MROH1: variants seen among roughly 807,000 people sequenced by gnomAD.
The protein encoded by MROH1 is maestro heat-like repeat-containing protein family member 1.
A neutral mutation model predicts 116.5 loss-of-function variants in MROH1; 117 were observed. The observed-to-expected ratio is 1.00, with a 90% CI of 0.86 to 1.17. MROH1 has a LOEUF of 1.17. Ranked by LOEUF, MROH1 falls within the 50% of genes most tolerant of loss-of-function variation. MROH1 has a pLI of 0.00. For missense variants in MROH1, 1,873 were observed against 1,338.5 expected, an observed-to-expected ratio of 1.40 and a Z score of -6.23; for synonymous variants, 921 against 583.9, an observed-to-expected ratio of 1.58 and a Z score of -8.32.
At chr8:144,214,163 C>T (rs1354505395) in intron 12 of MROH1, 1 of 152,240 alleles carries the variant, frequency 6.6e-6, no homozygotes, top group African/African-American at 2.4e-5. Flanking sequence ...ATGTTGGAGG[C>T]TCTTCCAGCC....
intron 35 of MROH1, among the ~76,000 whole-genome samples, chr8:144,255,971 T>C (rs1254370671): frequency 1.6e-4 from 25 of 152,298 alleles, no homozygotes; most frequent in African/African-American, 5.3e-4. Flanking sequence ...AGGCAGCTGG[T>C]GGGGGCTTCG....
At chr8:144,224,562 A>T (rs1166411542) in intron 14 of MROH1, among the ~76,000 whole-genome samples, 2 of 152,238 alleles carry the variant, frequency 1.3e-5, no homozygotes. Context: ...CAGCACACCC[A>T]GCACTCAAAT....
intron 7 of MROH1, among the ~76,000 whole-genome samples, chr8:144,187,054 C>T (rs570829559): frequency 5.2e-4 from 79 of 150,946 alleles, no homozygotes; most frequent in African/African-American, 1.6e-3. Flanking sequence ...GCCAAGATCA[C>T]GCCACTGCAT....
At chr8:144,171,327 A>C (rs1157930390) in intron 4 of MROH1, among the ~76,000 whole-genome samples, 1 of 152,206 alleles carries the variant, frequency 6.6e-6, no homozygotes, top group Non-Finnish European at 1.5e-5. Context: ...TTTATGACAC[A>C]GGCTGTGACG....
At chr8:144,256,358 T>C (rs947579160) in intron 35 of MROH1, among the ~76,000 whole-genome samples, 1 of 133,868 alleles carries the variant, frequency 7.5e-6, no homozygotes, top group Non-Finnish European at 1.7e-5. Context: ...GGTGTGCACC[T>C]TGGCCAGGAC....
intron 12 of MROH1, among the ~76,000 whole-genome samples, chr8:144,207,483 G>A (rs1007052094): frequency 1.3e-5 from 2 of 152,094 alleles, no homozygotes; most frequent in East Asian, 1.9e-4. Context: ...CACCACGCCC[G>A]ACCCCTGTTC....
intron 12 of MROH1, among the ~76,000 whole-genome samples, chr8:144,210,037 C>T (rs1393589826): frequency 1.3e-5 from 2 of 152,068 alleles, no homozygotes; most frequent in African/African-American, 4.8e-5. Context: ...CACCGAGACG[C>T]CCCTCCTTGC....
chr8:144,198,994 C>A, intron 10 of MROH1, 128 bp from the exon 11 acceptor site: 1 of 802,182 alleles, frequency 1.2e-6, no homozygotes, highest in South Asian at 1.6e-5. Context: ...GCGCCCGCTG[C>A]ATGCTGTAGG....
intron 9 of MROH1, 42 bp downstream of exon 9, chr8:144,191,897 T>G: frequency 2.5e-6 from 4 of 1,609,784 alleles, no homozygotes; most frequent in Non-Finnish European, 3.4e-6. Context: ...CGAGGACCCC[T>G]CCAATCAGAC....
Position 144,255,566 on chromosome 8 carries a change from G to A in MROH1, c.3652G>A (p.Glu1218Lys), listed in dbSNP as rs1020916524. 1.4e-5 allele frequency: 11 copies of A among 779,236 alleles called. No individual in the cohort carries two copies. The highest frequency in any genetic ancestry group is 6.7e-5 in the South Asian group (5 of 74,566). The allele number at this position is 779,236 out of a possible 1,614,324, so 48.3% of individuals were successfully genotyped here. The change falls in exon 35 of 44, where the codon GAG becomes AAG. Residue 1218 changes from glutamate (E) to lysine (K), a missense_variant. Coordinates refer to ENST00000326134, the MANE Select transcript of MROH1 (RefSeq NM_032450.3). The stretch of plus-strand genomic sequence containing the variant: ...GCCTGCAGCGGGGCCCGCGGTGCTC[G>A]AGCTCTACCCCCAGCTGTTTGTGGT... Reference protein sequence around the residue: ...STPAAGPAVLELYPQLFVVLL... With the variant: ...STPAAGPAVLKLYPQLFVVLL...
chr8:144,193,204 A>G (rs1348602850), intron 10 of MROH1: 1 of 154,736 alleles, frequency 6.5e-6, no homozygotes, highest in East Asian at 1.9e-4. Context: ...TTACATGGTA[A>G]CAAACTGTTA....
At chr8:144,167,963 C>G (rs556880699) in intron 3 of MROH1, among the ~76,000 whole-genome samples, 1 of 152,140 alleles carries the variant, frequency 6.6e-6, no homozygotes, top group Non-Finnish European at 1.5e-5. Flanking sequence ...AGGACCAGAA[C>G]AGCCTCATGC....
At chr8:144,158,031 C>T (rs1157699733) in intron 1 of MROH1, among the ~76,000 whole-genome samples, 3 of 132,714 alleles carry the variant, frequency 2.3e-5, no homozygotes, top group African/African-American at 8.7e-5. Context: ...CTGGCTCTGT[C>T]GCCCAGGTTG....
In MROH1 at chr8:144,191,043, G is replaced by A. The variant is rs1465324337; in HGVS notation, c.714+108G>A. On this transcript the variant is annotated intron_variant, in intron 8 of 43. Coordinates refer to ENST00000326134, the MANE Select transcript of MROH1 (RefSeq NM_032450.3). Reference sequence around the variant, plus strand: ...GAGGGTGGTGGTGTTGCATTGGCAAGCAGAGGTGCCCAATGGGAGGTGGCT... The same window carrying A: ...GAGGGTGGTGGTGTTGCATTGGCAAACAGAGGTGCCCAATGGGAGGTGGCT... The A allele has an allele frequency of 8.2e-6, 10 of 1,225,988 alleles. No individual in the cohort carries two copies. In the East Asian group the frequency reaches 2.3e-4, roughly 29 times the overall value. The allele number at this position is 1,225,988 out of a possible 1,614,324, so 75.9% of individuals were successfully genotyped here.
intron 28 of MROH1, among the ~76,000 whole-genome samples, chr8:144,244,798 T>A (rs1841607382): frequency 1.3e-5 from 2 of 152,162 alleles, no homozygotes; most frequent in Admixed American, 1.3e-4. Flanking sequence ...GGCCCACGGG[T>A]ACCCATGGCT....
intron 10 of MROH1, among the ~76,000 whole-genome samples, chr8:144,194,276 T>A (rs1462370042): frequency 2.0e-5 from 3 of 152,086 alleles, no homozygotes; most frequent in Admixed American, 2.0e-4. Flanking sequence ...TTGGCCAGGC[T>A]GGTCACGAAC....
chr8:144,182,121 G>T lies in MROH1; in HGVS notation c.562+1598G>T, dbSNP rs911203395. 6.6e-6 allele frequency among the ~76,000 whole-genome samples: 1 copy of T among 151,370 alleles called. No individual in the cohort carries two copies. The highest frequency in any genetic ancestry group is 1.5e-5 in the Non-Finnish European group (1 of 68,042). ...GTTGGTGGTCCTGCTGGCTGGAGCA[G>T]CCTGGGGCCAGAGGAAGCCGTATCA... On this transcript the variant is annotated intron_variant, in intron 7 of 43. Transcript: ENST00000326134. The surrounding 1 kb of genome is among the most constrained non-coding windows in gnomAD (Gnocchi z 4.1).
rs1035913369 is a variant in MROH1 at position 144,260,019 on chromosome 8, C to T, written c.4153C>T (p.Arg1385Cys). The change falls in exon 38 of 44, where the codon CGC (arginine) becomes TGC (cysteine). Residue 1385 changes from arginine to cysteine, a missense_variant. By Grantham distance (180) the Arg-to-Cys change is radical. Transcript: ENST00000326134. ...TCASVRRLVL[R>C]GLANLASGCP... is the part of the protein sequence containing the mutation. Reference sequence around the variant, plus strand: ...CGCCAGCGTGCGGAGGCTGGTGCTCCGCGGCCTGGCCAACCTGGCCTCCGG... The same window carrying T: ...CGCCAGCGTGCGGAGGCTGGTGCTCTGCGGCCTGGCCAACCTGGCCTCCGG... 43 of 726,154 alleles carry T rather than the reference C, an allele frequency of 5.9e-5. No individual in the cohort carries two copies. The highest frequency in any genetic ancestry group is 2.8e-4 in the Middle Eastern group (1 of 3,572). The allele number at this position is 726,154 out of a possible 1,614,324, so 45.0% of individuals were successfully genotyped here. A position where few individuals can be genotyped will look rare whatever the true frequency, so the allele number is the denominator to read the frequency against.
At chr8:144,255,105 C>G in intron 34 of MROH1, 127 bp downstream of exon 34, 1 of 613,050 alleles carries the variant, frequency 1.6e-6, no homozygotes, top group South Asian at 1.9e-5. Context: ...CAGCACCGGG[C>G]TGGGAGCTCT....
Sources: gnomAD v4.1 joint callset for allele counts (sites outside exome capture counted in the v4.1 genomes callset) on GRCh38, gnomAD v4.1.1 for gene constraint, Gnocchi (gnomAD v3.1) non-coding constraint, MANE v1.5 for transcripts, NCBI Gene and HGNC (gene_info 2026-07-23, HGNC 2026-07-21) for gene names.